The following TTI1 variants were observed in gnomAD, a reference collection of about 807,000 sequenced individuals.
The protein encoded by TTI1 is TELO2-interacting protein 1 homolog.
In TTI1, 52 loss-of-function variants were observed where a neutral mutation model predicts 85.4. The observed-to-expected ratio is 0.61, with a 90% confidence interval of 0.49 to 0.77. The LOEUF (loss-of-function observed/expected upper bound fraction) is 0.77. Ranked by LOEUF, TTI1 falls within the 30% of genes least tolerant of loss-of-function variation. TTI1 has a pLI of 0.00. For synonymous variants in TTI1, 512 were observed against 503.9 expected, an observed-to-expected ratio of 1.02 and a Z score of -0.22; for missense variants, 1,173 against 1,296.0, an observed-to-expected ratio of 0.91 and a Z score of 1.46.
chr20:37,985,945 A>G (rs1421832172), intron 7 of TTI1, among the ~76,000 whole-genome samples: 1 of 152,230 alleles, frequency 6.6e-6, no homozygotes, highest in Admixed American at 6.5e-5. Flanking sequence ...ATTCTAATTC[A>G]TCGTTTCCAC....
chr20:38,006,515 C>CGGGGAGCCAGGCA, intron 2 of TTI1, 118 bp from the exon 3 acceptor site: 1 of 1,125,834 alleles, frequency 8.9e-7, no homozygotes, highest in Non-Finnish European at 1.3e-6. Flanking sequence ...CAGTCCCTGC[C>CGGGGAGCCAGGCA]TGGCTCCCCG....
intron 3 of TTI1, among the ~76,000 whole-genome samples, chr20:38,004,581 A>C (rs1276892854): frequency 6.6e-6 from 1 of 152,222 alleles, no homozygotes; most frequent in African/African-American, 2.4e-5. Flanking sequence ...TTAGAATGCC[A>C]AGTGTGTGGT....
At chr20:37,985,427 T>C (rs1003767498) in intron 7 of TTI1, among the ~76,000 whole-genome samples, 9 of 152,118 alleles carry the variant, frequency 5.9e-5, no homozygotes, top group African/African-American at 2.2e-4. Flanking sequence ...ATTTGGGTCT[T>C]ACCGTGAAGC....
chr20:38,023,388 G>C, intron 1 of TTI1, among the ~76,000 whole-genome samples: 1 of 152,326 alleles, frequency 6.6e-6, no homozygotes, highest in Non-Finnish European at 1.5e-5. Context: ...TGTGGTGGGG[G>C]AGCAGATATG....
rs145859831 is a variant in TTI1 at position 37,988,379 on chromosome 20, T to G, written c.3087-4740A>C. Among the ~76,000 whole-genome samples the G allele has an allele frequency of 8.0e-3, 1,216 of 152,358 alleles. 6 individuals carry two copies. Among genetic ancestry groups the G allele is most frequent in the African/African-American group, 0.023 (949 of 41,582 alleles). On this transcript the variant is annotated intron_variant, in intron 7 of 7. Coordinates refer to ENST00000373447, the MANE Select transcript of TTI1 (RefSeq NM_001303457.2). ...TGGCAAAACCAAAAAGAACCCCCTC[T>G]GCTCTGCTGCAGGAGCGAATATTAC...
At chr20:38,001,949 T>A (rs1316593910) in intron 4 of TTI1, among the ~76,000 whole-genome samples, 1 of 152,112 alleles carries the variant, frequency 6.6e-6, no homozygotes, top group Admixed American at 6.5e-5. Context: ...AACTCCCAAC[T>A]CAGGTGATCC....
chr20:37,990,844 T>A (rs1014736827), intron 7 of TTI1, among the ~76,000 whole-genome samples: 1 of 152,210 alleles, frequency 6.6e-6, no homozygotes, highest in African/African-American at 2.4e-5. Flanking sequence ...ACCCCACGCT[T>A]GGCTTTCCTA....
chr20:37,988,639 C>A (rs909909853), intron 7 of TTI1, among the ~76,000 whole-genome samples: 3 of 152,160 alleles, frequency 2.0e-5, no homozygotes, highest in African/African-American at 7.2e-5. Context: ...AGGGTAAATG[C>A]CAGTGGTAAA....
At chr20:38,032,785 T>C (rs776337604) in intron 1 of TTI1, among the ~76,000 whole-genome samples, 28 of 152,232 alleles carry the variant, frequency 1.8e-4, no homozygotes, top group Non-Finnish European at 3.7e-4. Flanking sequence ...CCTCAAGCTA[T>C]CCTCTCGCCT....
chr20:38,002,505 T>C, intron 4 of TTI1, 123 bp downstream of exon 4: 1 of 1,303,174 alleles, frequency 7.7e-7, no homozygotes, highest in East Asian at 2.4e-5. Context: ...ATGCCTTCTC[T>C]TGGCCACCAC....
Position 37,983,374 on chromosome 20 carries a change from G to A in TTI1, c.*82C>T, listed in dbSNP as rs970719812. 1.3e-5 allele frequency: 18 copies of A among 1,434,932 alleles called. No individual in the cohort carries two copies. Among genetic ancestry groups the A allele is most frequent in the East Asian group, 9.8e-5 (4 of 40,720 alleles). 88.9% of individuals were successfully genotyped at this position (1,434,932 alleles called of 1,614,324 possible). A position where few individuals can be genotyped will look rare whatever the true frequency, so the allele number is the denominator to read the frequency against. On this transcript the variant is annotated 3_prime_UTR_variant, in exon 8 of 8. Transcript: ENST00000373447. ...CACCTTCTCTGCTGCCGCTGCCACC[G>A]CCTATGGCCGGGGTGGGGTCAGCCC...
chr20:38,020,323 A>AAAAAAAAAATAT, intron 1 of TTI1, among the ~76,000 whole-genome samples: 1 of 50,388 alleles, frequency 2.0e-5, no homozygotes, highest in African/African-American at 8.9e-5. Context: ...AAAAAAAAAA[A>AAAAAAAAAATAT]ATATATATAT....
At chr20:38,022,626 C>T (rs1242503303) in intron 1 of TTI1, among the ~76,000 whole-genome samples, 1 of 151,836 alleles carries the variant, frequency 6.6e-6, no homozygotes, top group Non-Finnish European at 1.5e-5. Flanking sequence ...GTTTTTCCTA[C>T]AGGTAGTTGA....
chr20:38,009,897 G>C (rs919069029), intron 2 of TTI1, among the ~76,000 whole-genome samples: 3 of 152,270 alleles, frequency 2.0e-5, no homozygotes, highest in Non-Finnish European at 4.4e-5. Context: ...TCCTCAGAGA[G>C]GCCCTCCCTG....
rs1023918543 is a variant in TTI1 at position 38,013,430 on chromosome 20, T to C, written c.387A>G (p.Thr129=). Residue 129 remains threonine, a synonymous_variant, in exon 2 of 8, where the codon ACA becomes ACG. Transcript: ENST00000373447. ...TGTCCCCATAAGCTGAGTGCATTAA[T>C]GTGCTAAGTCCCTGGATCACAGCCA... The part of the protein sequence containing the change: ...LKLAVIQGLS[T]LMHSAYGDII... 4 of 1,614,056 alleles carry C rather than the reference T, an allele frequency of 2.5e-6. No homozygotes were observed. The highest frequency in any genetic ancestry group is 3.4e-6 in the Non-Finnish European group (4 of 1,180,040).
At chr20:38,020,011 G>C (rs1439412688) in intron 1 of TTI1, among the ~76,000 whole-genome samples, 3 of 152,100 alleles carry the variant, frequency 2.0e-5, no homozygotes, top group African/African-American at 7.2e-5. Context: ...GCAGAAATAT[G>C]ATGAGTCTAA....
intron 1 of TTI1, among the ~76,000 whole-genome samples, chr20:38,026,166 AT>A (rs932120238): frequency 1.7e-4 from 25 of 148,688 alleles, no homozygotes; most frequent in African/African-American, 4.4e-4. Context: ...GGAAGAAACA[AT>A]TTTTTTTTTT....
At chr20:37,993,071 C>T (rs1158204429) in intron 7 of TTI1, among the ~76,000 whole-genome samples, 1 of 151,362 alleles carries the variant, frequency 6.6e-6, no homozygotes, top group African/African-American at 2.4e-5. Context: ...CATTTGTTAT[C>T]CATTGAAGTT....
intron 1 of TTI1, among the ~76,000 whole-genome samples, chr20:38,020,350 A>G (rs185724266): frequency 5.3e-4 from 67 of 125,804 alleles, no homozygotes; most frequent in Non-Finnish European, 8.5e-4. Flanking sequence ...ATATATATAT[A>G]TATGTATGTA....
Sources: gnomAD v4.1 joint callset for allele counts (sites outside exome capture counted in the v4.1 genomes callset) on GRCh38, gnomAD v4.1.1 for gene constraint, MANE v1.5 for transcripts, NCBI Gene and HGNC (gene_info 2026-07-23, HGNC 2026-07-21) for gene names.